SLC44A5: variants seen among roughly 807,000 people sequenced by gnomAD.
SLC44A5 encodes choline transporter-like protein 5.
In SLC44A5, 57 loss-of-function variants were observed where a neutral mutation model predicts 101.8. That is an observed-to-expected ratio of 0.56 (90% CI 0.45 to 0.70). SLC44A5 has a LOEUF of 0.70. Ranked by LOEUF, SLC44A5 falls within the 30% of genes least tolerant of loss-of-function variation. The pLI is 0.00. For missense variants in SLC44A5, 737 were observed against 853.1 expected (o/e 0.86, Z 1.70); for synonymous variants, 281 against 290.9 (o/e 0.97, Z 0.35).
At chr1:75,624,826 T>C in the SLC44A5 span, among the ~76,000 whole-genome samples, 1 of 152,270 alleles carries the variant, frequency 6.6e-6, no homozygotes, top group Admixed American at 6.5e-5. Flanking sequence ...CACAGACCTC[T>C]ACTGAAACCA....
chr1:75,492,000 A>G (rs1381711143), intron 2 of SLC44A5, among the ~76,000 whole-genome samples: 1 of 152,130 alleles, frequency 6.6e-6, no homozygotes, highest in Non-Finnish European at 1.5e-5. Context: ...AGTGACTTCA[A>G]GGTGTTAAAA....
chr1:75,661,003 G>A, the SLC44A5 span, among the ~76,000 whole-genome samples: 2 of 151,966 alleles, frequency 1.3e-5, no homozygotes, highest in African/African-American at 4.8e-5. Context: ...AATCTGTATG[G>A]AATCACAAAA....
the SLC44A5 span, among the ~76,000 whole-genome samples, chr1:75,712,273 A>G: frequency 1.3e-5 from 2 of 152,258 alleles, no homozygotes; most frequent in South Asian, 2.1e-4. Flanking sequence ...GGGAAAACTG[A>G]TAATTTCATA....
At chr1:75,504,603 CTTTT>C in intron 2 of SLC44A5, among the ~76,000 whole-genome samples, 1 of 151,918 alleles carries the variant, frequency 6.6e-6, no homozygotes, top group East Asian at 1.9e-4. Flanking sequence ...CTTTTCTTTT[CTTTT>C]TGTTTCTACT....
intron 1 of SLC44A5, among the ~76,000 whole-genome samples, chr1:75,552,258 T>G (rs145539620): frequency 6.6e-6 from 1 of 152,100 alleles, no homozygotes; most frequent in Non-Finnish European, 1.5e-5. Flanking sequence ...CCCTAGTATC[T>G]GTAAACTATA....
intron 3 of SLC44A5, among the ~76,000 whole-genome samples, chr1:75,348,471 A>G (rs979613882): frequency 6.6e-6 from 1 of 152,140 alleles, no homozygotes; most frequent in South Asian, 2.1e-4. Flanking sequence ...GATTAAATCC[A>G]CCATAGCCTT....
intron 23 of SLC44A5, among the ~76,000 whole-genome samples, chr1:75,209,836 A>G (rs1029606723): frequency 3.9e-5 from 6 of 152,042 alleles, no homozygotes; most frequent in African/African-American, 1.4e-4. Flanking sequence ...CAGAGAGTAA[A>G]TGTTCTCTGT....
At chr1:75,207,155 C>T (rs549022513) in intron 23 of SLC44A5, among the ~76,000 whole-genome samples, 17 of 152,236 alleles carry the variant, frequency 1.1e-4, no homozygotes, top group African/African-American at 3.9e-4. Context: ...GTAGTCCATA[C>T]TCCGATGTTA....
chr1:75,497,353 G>A (rs961923599), intron 2 of SLC44A5, among the ~76,000 whole-genome samples: 2 of 152,026 alleles, frequency 1.3e-5, no homozygotes, highest in East Asian at 1.9e-4. Flanking sequence ...TGAAGTTGGA[G>A]GACATCATGT....
upstream of SLC44A5, chr1:75,615,765 C>A: frequency 1.2e-6 from 1 of 806,412 alleles, no homozygotes; most frequent in Non-Finnish European, 1.5e-6. Flanking sequence ...TTCCACTTGG[C>A]CGCGCCTGGA....
chr1:75,250,374 T>A (rs1270302425), intron 7 of SLC44A5, among the ~76,000 whole-genome samples: 1 of 152,198 alleles, frequency 6.6e-6, no homozygotes, highest in African/African-American at 2.4e-5. Flanking sequence ...GGTGTATATG[T>A]ACCACATTTT....
intron 4 of SLC44A5, among the ~76,000 whole-genome samples, chr1:75,315,360 T>A (rs925644444): frequency 6.6e-6 from 1 of 152,158 alleles, no homozygotes; most frequent in Non-Finnish European, 1.5e-5. Context: ...AAGGTCTAAA[T>A]TATCCCAATA....
At chr1:75,312,800 CT>C (rs921378316) in intron 4 of SLC44A5, among the ~76,000 whole-genome samples, 4 of 151,992 alleles carry the variant, frequency 2.6e-5, no homozygotes, top group Admixed American at 2.6e-4. Flanking sequence ...GTGGACTTTT[CT>C]GTCAGGGGAG....
chr1:75,555,052 C>T (rs1423149577), intron 1 of SLC44A5, among the ~76,000 whole-genome samples: 1 of 151,964 alleles, frequency 6.6e-6, no homozygotes, highest in African/African-American at 2.4e-5. Flanking sequence ...ACACTTAACG[C>T]CAACATTTCA....
the SLC44A5 span, among the ~76,000 whole-genome samples, chr1:75,717,423 G>A: frequency 6.6e-6 from 1 of 151,904 alleles, no homozygotes; most frequent in East Asian, 1.9e-4. Context: ...GAGTACACAT[G>A]GACACAAAGA....
intron 20 of SLC44A5, 87 bp downstream of exon 20, chr1:75,214,518 C>T: frequency 1.0e-6 from 1 of 988,536 alleles, no homozygotes; most frequent in East Asian, 2.6e-5. Context: ...AATAATGCCA[C>T]CAACACTTTA....
intron 6 of SLC44A5, among the ~76,000 whole-genome samples, chr1:75,271,264 TTTTTC>T (rs1388641476): frequency 6.6e-6 from 1 of 152,086 alleles, no homozygotes; most frequent in Non-Finnish European, 1.5e-5. Context: ...GAATCTGTCT[TTTTTC>T]TTTTCTTATT....
intron 5 of SLC44A5, among the ~76,000 whole-genome samples, chr1:75,298,113 C>T (rs1654115412): frequency 6.6e-6 from 1 of 152,140 alleles, no homozygotes; most frequent in African/African-American, 2.4e-5. Context: ...AAACTGACAG[C>T]ATCATATTTG....
At chr1:75,578,856 G>T (rs530354054) in intron 1 of SLC44A5, among the ~76,000 whole-genome samples, 5 of 151,996 alleles carry the variant, frequency 3.3e-5, no homozygotes, top group African/African-American at 1.2e-4. Flanking sequence ...TTTTTCAATG[G>T]ATATATATAT....
Sources: allele counts gnomAD v4.1 joint callset (sites outside exome capture counted in the v4.1 genomes callset), GRCh38; gene constraint gnomAD v4.1.1; transcripts MANE v1.5; gene names NCBI Gene and HGNC (gene_info 2026-07-23, HGNC 2026-07-21).